The following LUC7L variants were observed in gnomAD, a reference collection of about 807,000 sequenced individuals.
LUC7L encodes the protein LUC7 like.
A neutral mutation model predicts 51.1 loss-of-function variants in LUC7L; 29 were observed. That is an observed-to-expected ratio of 0.57 (90% CI 0.42 to 0.77). The LOEUF (loss-of-function observed/expected upper bound fraction) is 0.77. Ranked by LOEUF, LUC7L falls within the 30% of genes least tolerant of loss-of-function variation. The probability of loss-of-function intolerance (pLI) is 0.00; values close to 1 mark genes in which losing one functional copy is unlikely to be tolerated. For missense variants in LUC7L, 403 were observed against 511.9 expected (o/e 0.79, Z 2.05); for synonymous variants, 181 against 180.7 (o/e 1.00, Z -0.01).
Position 189,922 on chromosome 16 carries a change from A to T in LUC7L, c.974+46T>A. ...TCAGCAGACCCTGGGAACACAGAGA[A>T]GGGCTCACTCCTGGTTGCAGCTACC... On this transcript the variant is annotated intron_variant, in intron 9 of 9. Coordinates refer to ENST00000293872, the MANE Select transcript of LUC7L (RefSeq NM_201412.3). 3 of 1,574,778 alleles carry T rather than the reference A, an allele frequency of 1.9e-6. No individual in the cohort carries two copies. In the South Asian group the frequency reaches 3.5e-5, roughly 19 times the overall value.
At chr16:211,776 CAGT>C (rs2049647157) in intron 3 of LUC7L, among the ~76,000 whole-genome samples, 1 of 152,208 alleles carries the variant, frequency 6.6e-6, no homozygotes, top group Non-Finnish European at 1.5e-5. Context: ...TGTGTCCTAA[CAGT>C]ATGGCAAAAC....
rs746424448 is a variant in LUC7L, at chr16:206,155, G to T, written c.367-8C>A. ...CTCATGTACTTTTTCTGCCTGTGAG[G>T]AGAAAGAATGAGGTAAGCAGACATC... On this transcript the variant is annotated splice_region_variant and splice_polypyrimidine_tract_variant and intron_variant, in intron 4 of 9. Transcript: ENST00000293872. 106 of 1,611,444 alleles carry T rather than the reference G, an allele frequency of 6.6e-5. 1 individual carries two copies. The highest frequency in any genetic ancestry group is 4.9e-4 in the Middle Eastern group (3 of 6,076).
intron 5 of LUC7L, among the ~76,000 whole-genome samples, chr16:204,200 T>C (rs973793434): frequency 6.6e-6 from 1 of 151,938 alleles, no homozygotes; most frequent in African/African-American, 2.4e-5. Flanking sequence ...TCCCAGCACT[T>C]TGGGAGGCCA....
At chr16:215,684 T>G (rs1350858518) in intron 3 of LUC7L, among the ~76,000 whole-genome samples, 3 of 150,468 alleles carry the variant, frequency 2.0e-5, no homozygotes, top group Admixed American at 2.0e-4. Context: ...GCACCTGTAG[T>G]CCCAGCTACT....
intron 3 of LUC7L, among the ~76,000 whole-genome samples, chr16:213,053 G>A (rs1314174885): frequency 3.3e-5 from 5 of 151,868 alleles, no homozygotes; most frequent in South Asian, 2.1e-4. Context: ...AGGCGTGAGC[G>A]CACACCTGGC....
At position 189,251 on chromosome 16, in the gene LUC7L, T is replaced by C. The variant is rs781129574; in HGVS notation, c.1063A>G (p.Asn355Asp). 6 of 1,614,064 alleles carry C rather than the reference T, an allele frequency of 3.7e-6. No homozygotes were observed. Among genetic ancestry groups the C allele is most frequent in the Non-Finnish European group, 5.1e-6 (6 of 1,180,008 alleles). ...GACCTCCGTGAAGCCATCTTCCCGT[T>C]GGAGCTCTCAAGCCTCCAGTCCGGG... ...GPPDWRLESS[N>D]GKMASRRSEE... Residue 355 changes from asparagine (N) to aspartate (D), a missense_variant, in exon 10 of 10, where the codon AAC becomes GAC. By Grantham distance (23) the Asn-to-Asp change is conservative. Transcript: ENST00000293872.
chr16:208,657 C>A, intron 3 of LUC7L: 1 of 985,594 alleles, frequency 1.0e-6, no homozygotes, highest in South Asian at 4.7e-5. Flanking sequence ...TAGGGTCCCC[C>A]CTTTCACCTC....
intron 2 of LUC7L, among the ~76,000 whole-genome samples, chr16:223,296 T>C (rs8046529): frequency 0.067 from 10,228 of 151,574 alleles, 410 homozygotes; most frequent in African/African-American, 0.092. Flanking sequence ...TTGCAGTGAG[T>C]CAAGATCGCA....
intron 2 of LUC7L, among the ~76,000 whole-genome samples, chr16:221,407 A>AG (rs1016616220): frequency 3.9e-5 from 6 of 152,012 alleles, no homozygotes; most frequent in African/African-American, 1.2e-4. Flanking sequence ...TGGCAGGGAT[A>AG]GGAAACGGCC....
chr16:197,365 G>GC (rs2049182070), intron 6 of LUC7L, among the ~76,000 whole-genome samples: 1 of 151,116 alleles, frequency 6.6e-6, no homozygotes, highest in Non-Finnish European at 1.5e-5. Context: ...GGCGCCCGCT[G>GC]CCATGCCTGG....
chr16:228,425 C>T, intron 1 of LUC7L: 2 of 1,283,458 alleles, frequency 1.6e-6, no homozygotes, highest in South Asian at 2.6e-5. Flanking sequence ...AATAGAGGGG[C>T]CACAATTGTT....
At chr16:208,330 AC>A in intron 3 of LUC7L, 142 bp from the exon 4 acceptor site, 2 of 609,684 alleles carry the variant, frequency 3.3e-6, no homozygotes, top group Non-Finnish European at 5.7e-6. Context: ...AAACTACACT[AC>A]CACTAACGCA....
intron 4 of LUC7L, among the ~76,000 whole-genome samples, chr16:207,260 T>C (rs2049509922): frequency 6.6e-6 from 1 of 151,980 alleles, no homozygotes; most frequent in South Asian, 2.1e-4. Flanking sequence ...CTCACTCTGT[T>C]ATCCAGGCTG....
chr16:224,391 C>A (rs1388626304), intron 2 of LUC7L, among the ~76,000 whole-genome samples: 1 of 151,154 alleles, frequency 6.6e-6, no homozygotes, highest in Non-Finnish European at 1.5e-5. Context: ...TGGTAGCGCA[C>A]GTTTGTAATC....
chr16:198,262 G>C (rs191016551), intron 6 of LUC7L, among the ~76,000 whole-genome samples: 75 of 107,476 alleles, frequency 7.0e-4, no homozygotes, highest in Middle Eastern at 0.012. Flanking sequence ...CTGGGCGACA[G>C]AGCGAGACTC....
chr16:227,208 G>A (rs1219041893), intron 2 of LUC7L, 34 bp downstream of exon 2: 3 of 1,536,650 alleles, frequency 2.0e-6, no homozygotes, highest in South Asian at 1.1e-5. Context: ...ACTCATGTCA[G>A]AGTGTTCCAT....
chr16:213,550 C>T (rs2049703380), intron 3 of LUC7L, among the ~76,000 whole-genome samples: 1 of 152,044 alleles, frequency 6.6e-6, no homozygotes, highest in African/African-American at 2.4e-5. Context: ...CAGGTGCACA[C>T]CACAACACCT....
chr16:222,951 TAAAAAAAA>T (rs376499817), intron 2 of LUC7L, among the ~76,000 whole-genome samples: 1 of 119,892 alleles, frequency 8.3e-6, no homozygotes, highest in Non-Finnish European at 1.8e-5. Context: ...CCCCGTCTTT[TAAAAAAAA>T]AAAAAAAAAA....
chr16:190,281 A>T (rs1211375), intron 8 of LUC7L, 146 bp from the exon 9 acceptor site: 6 of 785,002 alleles, frequency 7.6e-6, no homozygotes, highest in Non-Finnish European at 1.2e-5. Flanking sequence ...TCCATCAGTT[A>T]ATCTCCAATG....
Sources: gnomAD v4.1 joint callset for allele counts (sites outside exome capture counted in the v4.1 genomes callset) on GRCh38, gnomAD v4.1.1 for gene constraint, MANE v1.5 for transcripts, NCBI Gene and HGNC (gene_info 2026-07-23, HGNC 2026-07-21) for gene names.